The following PCDHA7 variants were observed in gnomAD, a reference collection of about 807,000 sequenced individuals.
PCDHA7 encodes the protein protocadherin alpha 7, also known as protocadherin alpha-7.
Under a neutral mutation model 57.2 loss-of-function variants are expected in PCDHA7, and 37 were observed. The ratio of observed to expected loss-of-function variants is 0.65; its 90% CI spans 0.50 to 0.85. The LOEUF (loss-of-function observed/expected upper bound fraction) is 0.85, where lower values mean the gene tolerates loss of function less well. PCDHA7 is among the 40% of genes least tolerant of loss of function. PCDHA7 has a pLI of 0.00. For missense variants in PCDHA7, 1,188 were observed against 1,241.8 expected, an observed-to-expected ratio of 0.96 and a Z score of 0.65; for synonymous variants, 553 against 558.8, an observed-to-expected ratio of 0.99 and a Z score of 0.15.
At chr5:140,967,692 G>A (rs781940460) in intron 1 of PCDHA7, 12 of 1,614,196 alleles carry the variant, frequency 7.4e-6, no homozygotes, top group South Asian at 1.1e-5. Flanking sequence ...CAGCTCTTCA[G>A]CATAGATGCC....
At chr5:140,966,854 C>G in intron 1 of PCDHA7, 1 of 1,573,744 alleles carries the variant, frequency 6.4e-7, no homozygotes, top group Non-Finnish European at 8.6e-7. Context: ...GCCTCTCCTG[C>G]TGCTGTTGCT....
At chr5:140,873,301 A>G (rs1463024301) in intron 1 of PCDHA7, among the ~76,000 whole-genome samples, 1 of 152,238 alleles carries the variant, frequency 6.6e-6, no homozygotes, top group Non-Finnish European at 1.5e-5. Flanking sequence ...TTATAAATAT[A>G]ATAAAGGTGA....
At chr5:140,896,451 C>T (rs1173407136) in intron 1 of PCDHA7, among the ~76,000 whole-genome samples, 1 of 152,112 alleles carries the variant, frequency 6.6e-6, no homozygotes, top group Non-Finnish European at 1.5e-5. Flanking sequence ...CAACCTCCAC[C>T]TCCTGGGTTC....
At chr5:140,953,419 C>T (rs2094885258) in intron 1 of PCDHA7, among the ~76,000 whole-genome samples, 2 of 152,134 alleles carry the variant, frequency 1.3e-5, no homozygotes, top group Admixed American at 1.3e-4. Context: ...GGCTCCTCCC[C>T]TTTGTCCTTA....
chr5:140,941,241 T>TTCTTTCTTTC (rs2092943774), intron 1 of PCDHA7, among the ~76,000 whole-genome samples: 1 of 140,458 alleles, frequency 7.1e-6, no homozygotes, highest in African/African-American at 2.7e-5. Flanking sequence ...CTTTCTTTCT[T>TTCTTTCTTTC]TCTTTCTTTC....
Position 141,010,476 on chromosome 5 carries a change from G to T in PCDHA7, c.*539G>T. ...GAAGTTATCAGTATGGAGGGGAAGT[G>T]TAAACTTAAAGGGACCAGACTTTCT... is the stretch of plus-strand genomic sequence containing the variant. On this transcript the variant is annotated 3_prime_UTR_variant, in exon 4 of 4. Coordinates refer to ENST00000525929, the MANE Select transcript of PCDHA7 (RefSeq NM_018910.3). 1.3e-6 allele frequency: 1 copy of T among 752,476 alleles called. No individual in the cohort carries two copies. Among genetic ancestry groups the T allele is most frequent in the Non-Finnish European group, 2.0e-6 (1 of 499,640 alleles). The allele number at this position is 752,476 out of a possible 1,614,324, so 46.6% of individuals were successfully genotyped here. A position where few individuals can be genotyped will look rare whatever the true frequency, so the allele number is the denominator to read the frequency against.
chr5:141,001,245 C>G (rs1554258043), intron 3 of PCDHA7, among the ~76,000 whole-genome samples: 2 of 152,082 alleles, frequency 1.3e-5, no homozygotes, highest in Non-Finnish European at 2.9e-5. Context: ...TAAATCAACC[C>G]TATGGGGCGG....
At chr5:140,883,390 G>T (rs373348994) in intron 1 of PCDHA7, 4 of 1,614,050 alleles carry the variant, frequency 2.5e-6, no homozygotes, top group East Asian at 4.5e-5. Context: ...TAATCAGTGT[G>T]TCCGATCGTG....
intron 1 of PCDHA7, among the ~76,000 whole-genome samples, chr5:140,918,196 G>T (rs978589409): frequency 7.9e-5 from 12 of 152,102 alleles, no homozygotes; most frequent in Non-Finnish European, 1.6e-4. Flanking sequence ...CCTCAGCTTG[G>T]ATGTTGTTGG....
At position 140,836,324 on chromosome 5, in the gene PCDHA7, T is replaced by A. The variant is rs1774378159; in HGVS notation, c.1941T>A (p.Leu647=). ...LDETDAPRHR[L]LVLVKDHGEP... ...AGACGGACGCACCGCGCCACCGCCT[T>A]CTGGTGCTTGTGAAGGACCACGGGG... is the stretch of plus-strand genomic sequence containing the variant. Residue 647 remains leucine (L), a synonymous_variant, in exon 1 of 4, where the codon CTT becomes CTA. Transcript: ENST00000525929. The A allele has an allele frequency of 1.9e-6, 3 of 1,613,578 alleles. No homozygotes were observed. The highest frequency in any genetic ancestry group is 2.5e-6 in the Non-Finnish European group (3 of 1,179,828).
intron 1 of PCDHA7, among the ~76,000 whole-genome samples, chr5:140,898,854 C>G (rs1467228131): frequency 2.0e-5 from 3 of 152,150 alleles, no homozygotes; most frequent in Admixed American, 6.6e-5. Flanking sequence ...TTTGTATCCT[C>G]TTTTATTTCA....
intron 1 of PCDHA7, chr5:140,877,253 T>G (rs2056969600): frequency 1.2e-6 from 2 of 1,613,576 alleles, no homozygotes; most frequent in Non-Finnish European, 8.5e-7. Context: ...GTGGCGAAAG[T>G]GCGCGCGGTG....
At chr5:140,842,510 C>T in intron 1 of PCDHA7, 1 of 1,613,738 alleles carries the variant, frequency 6.2e-7, no homozygotes. Flanking sequence ...CCCCTTCAAG[C>T]TGGTGTCCAC....
chr5:140,887,835 C>A (rs2061600577), intron 1 of PCDHA7, among the ~76,000 whole-genome samples: 1 of 152,106 alleles, frequency 6.6e-6, no homozygotes, highest in Admixed American at 6.6e-5. Context: ...TTTTGAATAT[C>A]TTTTATTGAC....
chr5:140,884,699 C>A, intron 1 of PCDHA7: 3 of 1,500,334 alleles, frequency 2.0e-6, no homozygotes, highest in Non-Finnish European at 2.7e-6. Context: ...TTAGTAAACA[C>A]TTTAGCCTTC....
At chr5:140,876,980 C>T (rs782646541) in intron 1 of PCDHA7, 18 of 1,612,542 alleles carry the variant, frequency 1.1e-5, no homozygotes, top group Admixed American at 1.7e-5. Flanking sequence ...GGCGAGCACG[C>T]ACTGTCGAGC....
intron 1 of PCDHA7, among the ~76,000 whole-genome samples, chr5:140,964,886 T>C (rs529789945): frequency 6.6e-6 from 1 of 152,306 alleles, no homozygotes; most frequent in South Asian, 2.1e-4. Context: ...GCAGCAGTGA[T>C]AGGAGGCTGG....
chr5:140,954,025 C>A (rs533473552), intron 1 of PCDHA7, among the ~76,000 whole-genome samples: 1 of 152,072 alleles, frequency 6.6e-6, no homozygotes, highest in African/African-American at 2.4e-5. Context: ...CATAGTGGGA[C>A]GATGTGGTAT....
intron 1 of PCDHA7, chr5:140,929,483 G>A: frequency 8.4e-7 from 1 of 1,192,950 alleles, no homozygotes; most frequent in Non-Finnish European, 1.1e-6. Context: ...AAGTATAGAA[G>A]TATTAGAAGA....
Sources: gnomAD v4.1 joint callset for allele counts (sites outside exome capture counted in the v4.1 genomes callset) on GRCh38, gnomAD v4.1.1 for gene constraint, MANE v1.5 for transcripts, NCBI Gene and HGNC (gene_info 2026-07-23, HGNC 2026-07-21) for gene names.